TENM2: variants seen among roughly 807,000 people sequenced by gnomAD.
TENM2 encodes teneurin-2.
In TENM2, 52 loss-of-function variants were observed where a neutral mutation model predicts 245.2. The ratio of observed to expected loss-of-function variants is 0.21; its 90% CI spans 0.17 to 0.27. The LOEUF is 0.27. TENM2 is among the 10% of genes least tolerant of loss of function. The probability of loss-of-function intolerance (pLI) is 1.00; values close to 1 mark genes in which losing one functional copy is unlikely to be tolerated. For synonymous variants in TENM2, 1,363 were observed against 1,438.9 expected, an observed-to-expected ratio of 0.95 and a Z score of 1.19; for missense variants, 3,046 against 3,666.8, an observed-to-expected ratio of 0.83 and a Z score of 4.37.
chr5:167,331,661 A>G (rs1321569860), intron 1 of TENM2, among the ~76,000 whole-genome samples: 1 of 152,130 alleles, frequency 6.6e-6, no homozygotes, highest in Non-Finnish European at 1.5e-5. Flanking sequence ...TGTGAATACA[A>G]TGATGGCAAA....
intron 2 of TENM2, among the ~76,000 whole-genome samples, chr5:167,825,441 C>A (rs926457156): frequency 2.6e-5 from 4 of 152,090 alleles, no homozygotes; most frequent in African/African-American, 9.7e-5. Context: ...GAAAGCAGAC[C>A]CACTGAGCGT....
intron 5 of TENM2, among the ~76,000 whole-genome samples, chr5:168,030,184 TTTTC>T (rs1787009604): frequency 9.7e-6 from 1 of 103,286 alleles, no homozygotes; most frequent in Non-Finnish European, 2.0e-5. Context: ...TTTTTTTTTT[TTTTC>T]ATCTTTCCAC....
chr5:167,381,084 C>G (rs545851808), intron 2 of TENM2, among the ~76,000 whole-genome samples: 1 of 151,872 alleles, frequency 6.6e-6, no homozygotes, highest in Admixed American at 6.6e-5. Context: ...TCAAAGTAAA[C>G]GGGTTAGAGA....
chr5:167,456,857 A>G (rs1180598677), intron 2 of TENM2, among the ~76,000 whole-genome samples: 8 of 152,204 alleles, frequency 5.3e-5, no homozygotes, highest in Non-Finnish European at 1.0e-4. Context: ...ATGTTCTCCA[A>G]TATGTGAATA....
At chr5:167,797,083 A>G (rs920418880) in intron 2 of TENM2, among the ~76,000 whole-genome samples, 1 of 152,128 alleles carries the variant, frequency 6.6e-6, no homozygotes, top group Non-Finnish European at 1.5e-5. Flanking sequence ...ACGGAAGTGG[A>G]ATCTCTGCTT....
intron 5 of TENM2, among the ~76,000 whole-genome samples, chr5:168,006,486 A>G (rs901394753): frequency 6.6e-6 from 1 of 152,230 alleles, no homozygotes; most frequent in Non-Finnish European, 1.5e-5. Context: ...CTTTCACCAT[A>G]GCCTTGGAAT....
chr5:167,290,214 A>G (rs1285499675), intron 1 of TENM2, among the ~76,000 whole-genome samples: 1 of 152,192 alleles, frequency 6.6e-6, no homozygotes, highest in Admixed American at 6.5e-5. Flanking sequence ...ATGTGAAAAG[A>G]GTAATGAATG....
At chr5:167,596,619 C>A in intron 2 of TENM2, among the ~76,000 whole-genome samples, 1 of 151,858 alleles carries the variant, frequency 6.6e-6, no homozygotes, top group East Asian at 1.9e-4. Context: ...TGGTGAAACA[C>A]CCCCGTCTGT....
intron 2 of TENM2, among the ~76,000 whole-genome samples, chr5:167,593,568 T>C (rs940788119): frequency 1.3e-5 from 2 of 152,234 alleles, no homozygotes; most frequent in Non-Finnish European, 2.9e-5. Flanking sequence ...GCAGAATCTG[T>C]GTCCATTGCT....
At chr5:168,120,229 C>T (rs1454162579) in intron 10 of TENM2, among the ~76,000 whole-genome samples, 1 of 152,184 alleles carries the variant, frequency 6.6e-6, no homozygotes, top group Non-Finnish European at 1.5e-5. Context: ...TTCACTTGCT[C>T]AGTTCTCTAT....
chr5:167,714,028 A>C (rs1033490334), intron 2 of TENM2, among the ~76,000 whole-genome samples: 14 of 152,210 alleles, frequency 9.2e-5, no homozygotes, highest in African/African-American at 3.4e-4. Flanking sequence ...GAAACATCAA[A>C]TCACTGAAGC....
At chr5:167,658,487 T>C (rs1429578006) in intron 2 of TENM2, among the ~76,000 whole-genome samples, 3 of 152,064 alleles carry the variant, frequency 2.0e-5, no homozygotes. Context: ...AAGCCTCTTT[T>C]ATCAAGATCT....
chr5:167,455,267 C>T (rs1765844437), intron 2 of TENM2, among the ~76,000 whole-genome samples: 2 of 152,210 alleles, frequency 1.3e-5, no homozygotes, highest in African/African-American at 4.8e-5. Context: ...AGTCAAACAA[C>T]AAATATACAG....
At chr5:167,856,524 C>G (rs976244420) in intron 2 of TENM2, among the ~76,000 whole-genome samples, 8 of 152,118 alleles carry the variant, frequency 5.3e-5, no homozygotes, top group African/African-American at 1.9e-4. Context: ...GTTAAGTCCT[C>G]TAAGGATGCA....
chr5:167,234,949 T>C, the TENM2 span, among the ~76,000 whole-genome samples: 1 of 152,212 alleles, frequency 6.6e-6, no homozygotes, highest in Non-Finnish European at 1.5e-5. Flanking sequence ...CCTATTTCTT[T>C]ATCCATGACA....
chr5:167,348,992 C>T (rs1476484945), intron 1 of TENM2, among the ~76,000 whole-genome samples: 1 of 152,178 alleles, frequency 6.6e-6, no homozygotes, highest in African/African-American at 2.4e-5. Flanking sequence ...TTAAATTCAA[C>T]TGGTTTAGTT....
At chr5:167,295,197 G>C (rs377509978) in intron 1 of TENM2, among the ~76,000 whole-genome samples, 1 of 152,180 alleles carries the variant, frequency 6.6e-6, no homozygotes, top group Non-Finnish European at 1.5e-5. Context: ...CTCAGAAACA[G>C]ACTCTACTTA....
chr5:167,084,842 A>G, the TENM2 span, among the ~76,000 whole-genome samples: 3 of 152,276 alleles, frequency 2.0e-5, no homozygotes, highest in East Asian at 5.8e-4. Flanking sequence ...ACACCCACTC[A>G]ATGAATGTCT....
the TENM2 span, among the ~76,000 whole-genome samples, chr5:167,032,034 G>A: frequency 0.027 from 4,142 of 152,140 alleles, 184 homozygotes; most frequent in African/African-American, 0.094. Flanking sequence ...AAACACCTAG[G>A]TCTGTGAACT....
Sources: allele counts gnomAD v4.1 joint callset (sites outside exome capture counted in the v4.1 genomes callset), GRCh38; gene constraint gnomAD v4.1.1; transcripts MANE v1.5; gene names NCBI Gene and HGNC (gene_info 2026-07-23, HGNC 2026-07-21).